Variants in AGBL4 observed in about 807,000 individuals in gnomAD.
AGBL4 encodes AGBL carboxypeptidase 4.
Under a neutral mutation model 66.4 loss-of-function variants are expected in AGBL4, and 58 were observed. The ratio of observed to expected loss-of-function variants is 0.87; its 90% CI spans 0.71 to 1.09. AGBL4 has a LOEUF of 1.09. AGBL4 is among the 50% of genes least tolerant of loss of function. AGBL4 has a pLI of 0.00. For missense variants in AGBL4, 579 were observed against 631.0 expected (o/e 0.92, Z 0.88); for synonymous variants, 234 against 222.9 (o/e 1.05, Z -0.44).
At chr1:49,977,953 T>C (rs983350864) in intron 1 of AGBL4, among the ~76,000 whole-genome samples, 7 of 152,232 alleles carry the variant, frequency 4.6e-5, no homozygotes, top group Admixed American at 3.9e-4. Context: ...CATATTCTCT[T>C]TAATTCTGCT....
Position 48,979,691 on chromosome 1 carries a change from A to G in AGBL4, c.594+65893T>C, listed in dbSNP as rs145073154. ...ATGTGCATTTGATTCACTGAAGAGAATAAGTTCAATTAAGTTTGTACTGGC... is the reference window on the plus strand; with the variant it reads ...ATGTGCATTTGATTCACTGAAGAGAGTAAGTTCAATTAAGTTTGTACTGGC... On this transcript the variant is annotated intron_variant, in intron 5 of 13. Transcript: ENST00000371839. 5.3e-5 allele frequency among the ~76,000 whole-genome samples: 8 copies of G among 152,248 alleles called. No homozygotes were observed. The East Asian group carries it at 1.4e-3, about 26-fold the overall frequency.
At chr1:49,011,045 T>C (rs993347831) in intron 5 of AGBL4, among the ~76,000 whole-genome samples, 1 of 151,952 alleles carries the variant, frequency 6.6e-6, no homozygotes, top group Admixed American at 6.5e-5. Flanking sequence ...CTAATTAAAC[T>C]AAAGAGCTTC....
Position 49,384,329 on chromosome 1 carries a change from C to T in AGBL4, c.283-138465G>A, listed in dbSNP as rs1278730571. Among the ~76,000 whole-genome samples, 10 of 152,048 alleles carry T rather than the reference C, an allele frequency of 6.6e-5. No homozygotes were observed. The East Asian group carries it at 1.9e-3, about 30-fold the overall frequency. On this transcript the variant is annotated intron_variant, in intron 3 of 13. Coordinates refer to ENST00000371839, the MANE Select transcript of AGBL4 (RefSeq NM_032785.4). ...AAATGGGCGGCTGGGCTCGGTGGCT[C>T]ATGCCTGTAATCCCAGCATTTTGGG...
chr1:48,810,287 A>G (rs2148756128), intron 6 of AGBL4, among the ~76,000 whole-genome samples: 1 of 152,322 alleles, frequency 6.6e-6, no homozygotes, highest in Middle Eastern at 3.4e-3. Flanking sequence ...GGCAAGCTGA[A>G]AGGACAATGC....
chr1:49,276,125 C>T (rs1017535077), intron 3 of AGBL4, among the ~76,000 whole-genome samples: 1 of 152,008 alleles, frequency 6.6e-6, no homozygotes, highest in African/African-American at 2.4e-5. Context: ...TATATATACA[C>T]ACACACACAC....
chr1:49,091,885 T>C (rs945025091), intron 4 of AGBL4, among the ~76,000 whole-genome samples: 3 of 152,044 alleles, frequency 2.0e-5, no homozygotes, highest in African/African-American at 7.2e-5. Flanking sequence ...TGCAGCAACA[T>C]GGATGGAGCT....
chr1:48,715,869 C>T (rs1232391563), intron 6 of AGBL4, among the ~76,000 whole-genome samples: 1 of 152,072 alleles, frequency 6.6e-6, no homozygotes, highest in Non-Finnish European at 1.5e-5. Context: ...TTGAGCTGTG[C>T]CTCTACTCTT....
chr1:49,996,401 CTTAGAGAA>C (rs1660371899), intron 1 of AGBL4, among the ~76,000 whole-genome samples: 1 of 151,988 alleles, frequency 6.6e-6, no homozygotes, highest in African/African-American at 2.4e-5. Flanking sequence ...GAAAAACACA[CTTAGAGAA>C]ATGCAAAATA....
intron 3 of AGBL4, among the ~76,000 whole-genome samples, chr1:49,405,707 T>C (rs1295641513): frequency 5.3e-5 from 8 of 152,182 alleles, no homozygotes. Flanking sequence ...AAAATTCAAA[T>C]GTGAGTGACA....
chr1:49,642,782 A>G (rs1445066102), intron 3 of AGBL4, among the ~76,000 whole-genome samples: 1 of 152,056 alleles, frequency 6.6e-6, no homozygotes, highest in Non-Finnish European at 1.5e-5. Context: ...TGCTGCTGAT[A>G]ACATTTAACA....
At chr1:49,055,774 A>G (rs771924287) in intron 4 of AGBL4, among the ~76,000 whole-genome samples, 1 of 152,168 alleles carries the variant, frequency 6.6e-6, no homozygotes, top group Non-Finnish European at 1.5e-5. Context: ...ATGCCTATTA[A>G]TCTTATTTTT....
chr1:48,690,342 C>T (rs113874754), intron 6 of AGBL4, among the ~76,000 whole-genome samples: 1 of 152,026 alleles, frequency 6.6e-6, no homozygotes, highest in Non-Finnish European at 1.5e-5. Context: ...GTGGGGGGCG[C>T]AGAGACTCTC....
At chr1:49,212,085 T>A (rs1339485701) in intron 4 of AGBL4, among the ~76,000 whole-genome samples, 1 of 152,066 alleles carries the variant, frequency 6.6e-6, no homozygotes, top group Non-Finnish European at 1.5e-5. Context: ...ATACAACTAG[T>A]GAGTGATGTA....
At chr1:48,584,862 C>T (rs140936043) in intron 11 of AGBL4, 2 of 152,308 alleles carry the variant, frequency 1.3e-5, no homozygotes, top group African/African-American at 4.8e-5. Flanking sequence ...TTCCCTGTGC[C>T]TAGAACTTTA....
chr1:48,689,424 C>T (rs866387139), intron 6 of AGBL4, among the ~76,000 whole-genome samples: 15 of 148,696 alleles, frequency 1.0e-4, no homozygotes, highest in African/African-American at 3.6e-4. Context: ...TTCCTTCCTT[C>T]CTTTCTTCTT....
chr1:49,257,053 A>C (rs569163630), intron 3 of AGBL4, among the ~76,000 whole-genome samples: 2 of 152,030 alleles, frequency 1.3e-5, no homozygotes, highest in African/African-American at 4.8e-5. Context: ...TTTTTTTTAC[A>C]AAAAGCACAG....
intron 3 of AGBL4, among the ~76,000 whole-genome samples, chr1:49,438,989 C>T (rs991242299): frequency 6.6e-6 from 1 of 152,174 alleles, no homozygotes; most frequent in African/African-American, 2.4e-5. Context: ...ATGGAGCTCT[C>T]ATGGCCTAAT....
In AGBL4 at chr1:48,866,227, T is replaced by C. The variant is rs1648070871; in HGVS notation, c.634+964A>G. The stretch of plus-strand genomic sequence containing the variant: ...GAGGCACTGGCCCATGGATACAGCA[T>C]GGTAGGCTTTGTGGAGGGAAGGGCT... On this transcript the variant is annotated intron_variant, in intron 6 of 13. Transcript: ENST00000371839. 1.3e-5 allele frequency among the ~76,000 whole-genome samples: 2 copies of C among 152,172 alleles called. 1 individual carries two copies. The highest frequency in any genetic ancestry group is 4.1e-4 in the South Asian group (2 of 4,836).
chr1:48,685,516 G>A lies in AGBL4; in HGVS notation c.635-22275C>T, dbSNP rs185070396. Among the ~76,000 whole-genome samples the A allele has an allele frequency of 8.5e-5, 13 of 152,218 alleles. No homozygotes were observed. In the East Asian group the frequency reaches 1.4e-3, roughly 16 times the overall value. On this transcript the variant is annotated intron_variant, in intron 6 of 13. Transcript: ENST00000371839. ...TGCCTTGGGCTCCATGTGGGCAGGC[G>A]GGTTAATCTTCCACCCCTCCATATC...
Sources: gnomAD v4.1 joint callset for allele counts (sites outside exome capture counted in the v4.1 genomes callset) on GRCh38, gnomAD v4.1.1 for gene constraint, MANE v1.5 for transcripts, NCBI Gene and HGNC (gene_info 2026-07-23, HGNC 2026-07-21) for gene names.